The following SPDYA variants were observed in gnomAD, a reference collection of about 807,000 sequenced individuals.
SPDYA encodes speedy/RINGO cell cycle regulator family member A.
In SPDYA, 11 loss-of-function variants were observed where a neutral mutation model predicts 36.7. That is an observed-to-expected ratio of 0.30 (90% CI 0.19 to 0.50). SPDYA has a LOEUF of 0.50. Ranked by LOEUF, SPDYA falls within the 20% of genes least tolerant of loss-of-function variation. The pLI is 0.98. For missense variants in SPDYA, 287 were observed against 370.9 expected, an observed-to-expected ratio of 0.77 and a Z score of 1.86; for synonymous variants, 115 against 118.7, an observed-to-expected ratio of 0.97 and a Z score of 0.20.
At chr2:28,841,230 A>C (rs1296179458) in intron 7 of SPDYA, among the ~76,000 whole-genome samples, 5 of 152,116 alleles carry the variant, frequency 3.3e-5, no homozygotes, top group Non-Finnish European at 7.4e-5. Flanking sequence ...TACCGCACCC[A>C]GGCCAAAACC....
At chr2:28,829,766 AC>A (rs910114189) in intron 6 of SPDYA, among the ~76,000 whole-genome samples, 1 of 151,702 alleles carries the variant, frequency 6.6e-6, no homozygotes, top group African/African-American at 2.4e-5. Flanking sequence ...ACATGGTGAA[AC>A]CCGTCTCTAC....
In SPDYA at chr2:28,811,528, A is replaced by G. The variant is rs1667844574; in HGVS notation, c.-93+581A>G. Reference sequence around the variant, plus strand: ...TCTCAGAATTCACGAAGATTCTCTTACATGACATCCAGTAGGACTGGAGGG... The same window carrying G: ...TCTCAGAATTCACGAAGATTCTCTTGCATGACATCCAGTAGGACTGGAGGG... On this transcript the variant is annotated intron_variant, in intron 1 of 7. Coordinates refer to ENST00000334056, the MANE Select transcript of SPDYA (RefSeq NM_182756.4). This position sits in a 1 kb window ranked among gnomAD's most constrained non-coding sequence, Gnocchi z 4.2. 6.6e-6 allele frequency among the ~76,000 whole-genome samples: 1 copy of G among 152,184 alleles called. No homozygotes were observed.
chr2:28,812,438 C>G (rs1667868939), intron 1 of SPDYA, among the ~76,000 whole-genome samples: 2 of 148,776 alleles, frequency 1.3e-5, no homozygotes, highest in South Asian at 2.1e-4. Context: ...TCAGATGCCT[C>G]TAGAATTTTT....
chr2:28,835,399 G>A (rs575161463), intron 6 of SPDYA, among the ~76,000 whole-genome samples: 2 of 152,088 alleles, frequency 1.3e-5, no homozygotes, highest in Non-Finnish European at 2.9e-5. Context: ...CACCACGCCC[G>A]GCTATTTTGT....
intron 1 of SPDYA, among the ~76,000 whole-genome samples, chr2:28,814,013 G>A (rs987163583): frequency 1.1e-4 from 17 of 152,100 alleles, no homozygotes; most frequent in Admixed American, 7.2e-4. Context: ...TTTATAACCC[G>A]CACCCCAAGT....
At chr2:28,818,577 A>G (rs1186907798) in intron 3 of SPDYA, among the ~76,000 whole-genome samples, 2 of 152,062 alleles carry the variant, frequency 1.3e-5, no homozygotes, top group East Asian at 3.8e-4. Context: ...TATTTTACCT[A>G]CTTTCTAGAT....
chr2:28,834,253 C>G (rs1668540329), intron 6 of SPDYA, among the ~76,000 whole-genome samples: 1 of 152,072 alleles, frequency 6.6e-6, no homozygotes, highest in Non-Finnish European at 1.5e-5. Context: ...ATACTGGAAC[C>G]CTCATACACT....
chr2:28,826,424 A>C (rs1344579588), intron 5 of SPDYA, among the ~76,000 whole-genome samples: 1 of 152,144 alleles, frequency 6.6e-6, no homozygotes, highest in Admixed American at 6.6e-5. Flanking sequence ...GACGTGAGCC[A>C]CTGAGCCTGG....
intron 1 of SPDYA, among the ~76,000 whole-genome samples, chr2:28,812,982 C>A (rs1166948553): frequency 6.6e-6 from 1 of 151,224 alleles, no homozygotes; most frequent in South Asian, 2.1e-4. Flanking sequence ...GGTTTTCGTT[C>A]CTTTCCTCTT....
intron 5 of SPDYA, among the ~76,000 whole-genome samples, chr2:28,828,058 C>T (rs1051042618): frequency 1.3e-5 from 2 of 150,704 alleles, no homozygotes; most frequent in Non-Finnish European, 3.0e-5. Context: ...ATCTCGGTGG[C>T]TCACTGTAAC....
At chr2:28,832,844 T>C (rs138581383) in intron 6 of SPDYA, among the ~76,000 whole-genome samples, 452 of 38,198 alleles carry the variant, frequency 0.012, no homozygotes, top group East Asian at 0.081. Context: ...CACCCCCACC[T>C]TTTTTTTTTT....
intron 6 of SPDYA, among the ~76,000 whole-genome samples, chr2:28,837,001 T>C (rs750112719): frequency 6.6e-6 from 1 of 152,236 alleles, no homozygotes. Context: ...TTCCCGTTAA[T>C]ACTCTGGCCA....
rs138955301 is a variant in SPDYA at position 28,812,595 on chromosome 2, G to A, written c.-93+1648G>A. Among the ~76,000 whole-genome samples, 381 of 151,948 alleles carry A rather than the reference G, an allele frequency of 2.5e-3. 4 individuals are homozygous for A. The highest frequency in any genetic ancestry group is 8.7e-3 in the African/African-American group (359 of 41,430). On this transcript the variant is annotated intron_variant, in intron 1 of 7. Transcript: ENST00000334056. Reference sequence around the variant, plus strand: ...AAGGAGGCCGAGCATGGTGTCTCACGCCTGTAATCCCAGCGCTTTGGGAGG... The same window carrying A: ...AAGGAGGCCGAGCATGGTGTCTCACACCTGTAATCCCAGCGCTTTGGGAGG...
chr2:28,815,935 G>C (rs1667972590), intron 2 of SPDYA, 62 bp from the exon 3 acceptor site: 1 of 1,084,354 alleles, frequency 9.2e-7, no homozygotes, highest in African/African-American at 1.6e-5. Context: ...GTATCATCCA[G>C]TTAGTTGTTT....
At chr2:28,839,667 A>G (rs1198744199) in intron 6 of SPDYA, among the ~76,000 whole-genome samples, 2 of 151,904 alleles carry the variant, frequency 1.3e-5, no homozygotes, top group Non-Finnish European at 2.9e-5. Flanking sequence ...ACGCCCGGCT[A>G]ATTTTTTTGT....
intron 7 of SPDYA, among the ~76,000 whole-genome samples, chr2:28,847,508 G>A (rs1322201013): frequency 1.3e-5 from 2 of 151,900 alleles, no homozygotes; most frequent in African/African-American, 4.8e-5. Context: ...GTGGGAGGCC[G>A]AGGCAGGTGG....
At chr2:28,837,030 A>G (rs1668621151) in intron 6 of SPDYA, among the ~76,000 whole-genome samples, 1 of 152,338 alleles carries the variant, frequency 6.6e-6, no homozygotes, top group African/African-American at 2.4e-5. Context: ...CAATATCATC[A>G]TAGCTGAGTT....
chr2:28,823,728 TATATATATATATATATA>T (rs1668234063), intron 5 of SPDYA, among the ~76,000 whole-genome samples: 1 of 107,792 alleles, frequency 9.3e-6, no homozygotes, highest in South Asian at 3.3e-4. Flanking sequence ...TATATATATA[TATATATATATATATATA>T]AAATTTTTTT....
At chr2:28,819,163 G>A (rs2148077710) in intron 4 of SPDYA, 57 bp downstream of exon 4, 1 of 1,218,810 alleles carries the variant, frequency 8.2e-7, no homozygotes, top group Non-Finnish European at 1.2e-6. Flanking sequence ...TGAACCATTA[G>A]AGCTTTAATG....
Sources: gnomAD v4.1 joint callset for allele counts (sites outside exome capture counted in the v4.1 genomes callset) on GRCh38, gnomAD v4.1.1 for gene constraint, Gnocchi (gnomAD v3.1) non-coding constraint, MANE v1.5 for transcripts, NCBI Gene and HGNC (gene_info 2026-07-23, HGNC 2026-07-21) for gene names.